GSR: variants seen among roughly 807,000 people sequenced by gnomAD.
GSR encodes glutathione-disulfide reductase.
Under a neutral mutation model 56.5 loss-of-function variants are expected in GSR, and 48 were observed. The ratio of observed to expected loss-of-function variants is 0.85; its 90% CI spans 0.67 to 1.08. The LOEUF is 1.08. Ranked by LOEUF, GSR falls within the 50% of genes least tolerant of loss-of-function variation. The pLI is 0.00. For missense variants in GSR, 694 were observed against 703.3 expected (o/e 0.99, Z 0.15); for synonymous variants, 264 against 270.8 (o/e 0.97, Z 0.25).
At chr8:30,702,763 C>T (rs572330493) in intron 5 of GSR, among the ~76,000 whole-genome samples, 1 of 152,262 alleles carries the variant, frequency 6.6e-6, no homozygotes, top group African/African-American at 2.4e-5. Context: ...ATGATGAAAC[C>T]CCATCTCTAC....
chr8:30,696,637 T>G (rs566011644), intron 6 of GSR, among the ~76,000 whole-genome samples, 158 bp from the exon 7 acceptor site: 1 of 152,326 alleles, frequency 6.6e-6, no homozygotes, highest in Non-Finnish European at 1.5e-5. Context: ...AGGATACCTT[T>G]GTCAAAATAA....
intron 2 of GSR, among the ~76,000 whole-genome samples, chr8:30,710,714 CAAAAAAAAAAAA>C (rs60532553): frequency 1.2e-4 from 6 of 51,032 alleles, no homozygotes; most frequent in African/African-American, 2.6e-4. Flanking sequence ...GACTCTGTCT[CAAAAAAAAAAAA>C]AAAAAAAAAA....
intron 1 of GSR, among the ~76,000 whole-genome samples, chr8:30,713,939 T>A (rs1044997110): frequency 2.0e-5 from 3 of 152,276 alleles, no homozygotes; most frequent in Non-Finnish European, 2.9e-5. Context: ...TAGTAAATAG[T>A]TATACATTGA....
intron 9 of GSR, among the ~76,000 whole-genome samples, chr8:30,684,435 T>TA (rs1445371814): frequency 5.3e-5 from 8 of 152,080 alleles, no homozygotes; most frequent in Admixed American, 6.6e-5. Context: ...GAGGATCCCT[T>TA]AAGCCCAGGA....
intron 10 of GSR, 49 bp downstream of exon 10, chr8:30,684,039 A>G: frequency 1.1e-6 from 1 of 934,942 alleles, no homozygotes; most frequent in Non-Finnish European, 1.8e-6. Flanking sequence ...AGCCAGATGG[A>G]TCATGTAACA....
chr8:30,717,944 T>C (rs1257337341), intron 1 of GSR, among the ~76,000 whole-genome samples: 4 of 151,274 alleles, frequency 2.6e-5, no homozygotes, highest in East Asian at 1.9e-4. Context: ...CTAATAAAAA[T>C]ACAAAAATTA....
At chr8:30,697,413 C>CAAAAA (rs370668599) in intron 6 of GSR, among the ~76,000 whole-genome samples, 27 of 143,506 alleles carry the variant, frequency 1.9e-4, no homozygotes, top group South Asian at 6.6e-4. Context: ...GACTCTGTCT[C>CAAAAA]AAAAAAACAA....
chr8:30,690,803 AC>A (rs1803353452), intron 8 of GSR, among the ~76,000 whole-genome samples: 1 of 152,140 alleles, frequency 6.6e-6, no homozygotes, highest in Non-Finnish European at 1.5e-5. Flanking sequence ...GGTGGCTCAC[AC>A]CTGTAATCTC....
In GSR at chr8:30,720,855, AC is replaced by A. The variant is rs1804510949; in HGVS notation, c.306+6674del. ...AGTGTGACTGGGTGCCGTGGCTCAC[AC>A]ACAGGTGTGTAATCCTAGCACTTTT... On this transcript the variant is annotated intron_variant, in intron 1 of 12. Coordinates refer to ENST00000221130, the MANE Select transcript of GSR (RefSeq NM_000637.5). 7.7e-5 allele frequency among the ~76,000 whole-genome samples: 4 copies of A among 51,892 alleles called. No individual in the cohort carries two copies. The South Asian group carries it at 2.3e-3, about 30-fold the overall frequency. The allele number at this position is 51,892 out of a possible 152,430, so 34.0% of individuals were successfully genotyped here. A position where few individuals can be genotyped will look rare whatever the true frequency, so the allele number is the denominator to read the frequency against.
intron 9 of GSR, among the ~76,000 whole-genome samples, chr8:30,688,478 C>T (rs1246067455): frequency 6.8e-6 from 1 of 146,916 alleles, no homozygotes; most frequent in Admixed American, 7.1e-5. Context: ...ACTTGGGAAG[C>T]TGAGGCAGAA....
At chr8:30,725,392 T>A (rs1326385925) in intron 1 of GSR, among the ~76,000 whole-genome samples, 1 of 151,302 alleles carries the variant, frequency 6.6e-6, no homozygotes, top group Non-Finnish European at 1.5e-5. Context: ...AAGACCAGCC[T>A]GGCTCTACTA....
chr8:30,690,168 A>ATTTC (rs1563529927), intron 8 of GSR, among the ~76,000 whole-genome samples: 1 of 145,934 alleles, frequency 6.9e-6, no homozygotes. Flanking sequence ...ATATTTATTT[A>ATTTC]TTTATTTATT....
chr8:30,690,444 G>A (rs950034159), intron 8 of GSR, among the ~76,000 whole-genome samples: 2 of 152,230 alleles, frequency 1.3e-5, no homozygotes, highest in Admixed American at 6.6e-5. Context: ...TTACAGGTGT[G>A]AGCCACTGTG....
At position 30,712,092 on chromosome 8, in the gene GSR, G is replaced by T; in HGVS notation, c.307-4C>A. On this transcript the variant is annotated splice_polypyrimidine_tract_variant and splice_region_variant and intron_variant, in intron 1 of 12. Coordinates refer to ENST00000221130, the MANE Select transcript of GSR (RefSeq NM_000637.5). ...TGGGTACACATCCAACATTCACCTG[G>T]AAAAAAAAAAAAGAGACACACTTTA... 8.8e-7 allele frequency: 1 copy of T among 1,135,660 alleles called. No individual in the cohort carries two copies. The highest frequency in any genetic ancestry group is 1.2e-6 in the Non-Finnish European group (1 of 814,394). 70.3% of individuals were successfully genotyped at this position (1,135,660 alleles called of 1,614,324 possible). A position where few individuals can be genotyped will look rare whatever the true frequency, so the allele number is the denominator to read the frequency against.
chr8:30,684,115 C>A lies in GSR; in HGVS notation c.1126G>T (p.Val376Leu). 1 of 1,596,128 alleles carries A rather than the reference C, an allele frequency of 6.3e-7. No individual in the cohort carries two copies. The highest frequency in any genetic ancestry group is 8.6e-7 in the Non-Finnish European group (1 of 1,163,558). Residue 376 changes from valine (V) to leucine (L), a missense_variant, in exon 10 of 13, where the codon GTA (valine) becomes TTA (leucine). Transcript: ENST00000221130. ...NVKGIYAVGD[V>L]CGKALLTPVA... ...GGAGTAAGAAGAGCTTTTCCACATA[C>A]ATCCCCAACTGCATAGATGCCTTTG...
intron 1 of GSR, among the ~76,000 whole-genome samples, chr8:30,722,170 G>A (rs1306754074): frequency 1.3e-5 from 2 of 152,136 alleles, no homozygotes; most frequent in Non-Finnish European, 2.9e-5. Context: ...ATGAAGACTA[G>A]TACAAAAAAA....
At chr8:30,697,832 G>C (rs1378263405) in intron 6 of GSR, among the ~76,000 whole-genome samples, 1 of 152,120 alleles carries the variant, frequency 6.6e-6, no homozygotes, top group East Asian at 1.9e-4. Context: ...AAGACTACCA[G>C]CATGTGCCAA....
chr8:30,688,100 G>A (rs533605364), intron 9 of GSR, among the ~76,000 whole-genome samples: 5 of 152,304 alleles, frequency 3.3e-5, no homozygotes, highest in Admixed American at 6.5e-5. Flanking sequence ...GACAGCACGG[G>A]TAGAGCCAAG....
At chr8:30,715,328 T>C (rs1333269972) in intron 1 of GSR, among the ~76,000 whole-genome samples, 4 of 151,876 alleles carry the variant, frequency 2.6e-5, no homozygotes, top group African/African-American at 9.7e-5. Context: ...TATGGCTTTC[T>C]ATCTAGAGTG....
Sources: allele counts gnomAD v4.1 joint callset (sites outside exome capture counted in the v4.1 genomes callset), GRCh38; gene constraint gnomAD v4.1.1; transcripts MANE v1.5; gene names NCBI Gene and HGNC (gene_info 2026-07-23, HGNC 2026-07-21).